Variants in PFKFB1 observed in about 807,000 individuals in gnomAD.
PFKFB1 encodes 6-phosphofructo-2-kinase/fructose-2,6-bisphosphatase 1.
Under a neutral mutation model 46.4 loss-of-function variants are expected in PFKFB1, and 34 were observed. The ratio of observed to expected loss-of-function variants is 0.73; its 90% CI spans 0.56 to 0.98. PFKFB1 has a LOEUF of 0.98. Ranked by LOEUF, PFKFB1 falls within the 50% of genes least tolerant of loss-of-function variation. The pLI, the probability that PFKFB1 is intolerant of heterozygous loss-of-function variation, is 0.00. For synonymous variants in PFKFB1, 119 were observed against 133.8 expected (o/e 0.89, Z 0.76); for missense variants, 393 against 376.3 (o/e 1.04, Z -0.37).
chrX:54,964,066 T>C (rs1213349415), intron 1 of PFKFB1, among the ~76,000 whole-genome samples: 1 of 110,072 alleles, frequency 9.1e-6, no homozygotes, highest in African/African-American at 3.3e-5. Context: ...AAAAAAGTCT[T>C]AGTCCTCAGA....
chrX:54,977,016 G>A (rs765164048), intron 1 of PFKFB1, among the ~76,000 whole-genome samples: 4 of 110,558 alleles, frequency 3.6e-5, no homozygotes, highest in African/African-American at 1.3e-4. Context: ...GGCTGTACAG[G>A]AGAATTTTTA....
At position 54,956,009 on chromosome X, in the gene PFKFB1, G is replaced by A. The variant is rs775044454; in HGVS notation, c.638+144C>T. The A allele has an allele frequency of 1.2e-3, 551 of 443,212 alleles. 1 individual carries two copies. The highest frequency in any genetic ancestry group is 1.9e-3 in the Middle Eastern group (5 of 2,598). 36.5% of individuals were successfully genotyped at this position (443,212 alleles called of 1,213,427 possible). A position where few individuals can be genotyped will look rare whatever the true frequency, so the allele number is the denominator to read the frequency against. On this transcript the variant is annotated intron_variant, in intron 7 of 13. Coordinates refer to ENST00000375006, the MANE Select transcript of PFKFB1 (RefSeq NM_002625.4). The stretch of plus-strand genomic sequence containing the variant: ...AGGAATCAGAGCTGAAAGGATCCTT[G>A]AAGAAAGATCATCAAGTTCAGTTTC...
chrX:54,974,692 G>A (rs1053581426), intron 1 of PFKFB1, among the ~76,000 whole-genome samples: 4 of 111,482 alleles, frequency 3.6e-5, no homozygotes, highest in Admixed American at 2.9e-4. Flanking sequence ...GAAAATATTC[G>A]CAAACTATGC....
chrX:54,956,123 A>C, intron 7 of PFKFB1, 30 bp downstream of exon 7: 2 of 1,053,064 alleles, frequency 1.9e-6, no homozygotes, highest in Non-Finnish European at 2.6e-6. Context: ...TGAAAGATCT[A>C]GACCTTGACT....
intron 7 of PFKFB1, 31 bp from the exon 8 acceptor site, chrX:54,952,143 G>C (rs967323920): frequency 2.7e-6 from 3 of 1,114,426 alleles, no homozygotes; most frequent in Non-Finnish European, 3.7e-6. Flanking sequence ...AGCAAGGGCA[G>C]CTCAGGGGCT....
intron 1 of PFKFB1, among the ~76,000 whole-genome samples, chrX:54,978,308 T>C (rs968317371): frequency 1.2e-4 from 13 of 110,979 alleles, no homozygotes; most frequent in Admixed American, 6.7e-4. Context: ...ATATACATTG[T>C]TGAATAAATA....
intron 10 of PFKFB1, among the ~76,000 whole-genome samples, chrX:54,940,552 T>C (rs921691559): frequency 4.5e-5 from 5 of 111,868 alleles, no homozygotes; most frequent in Admixed American, 9.5e-5. Flanking sequence ...AGTCTCAGGA[T>C]ACAAAATCAA....
chrX:54,933,864 T>G lies in PFKFB1; in HGVS notation c.1313A>C (p.Tyr438Ser), dbSNP rs1933302064. Residue 438 changes from tyrosine to serine, a missense_variant, in exon 13 of 14, where the codon TAC becomes TCC. Tyr to Ser is a moderately radical substitution (Grantham distance 144). Coordinates refer to ENST00000375006, the MANE Select transcript of PFKFB1 (RefSeq NM_002625.4). ...VAYGCKVESI[Y>S]LNVEAVNTHR... ...TGTGTTCACGGCCTCCACATTCAGG[T>G]AGATGGATTCCACTTTGCAGCCTTA... The G allele has an allele frequency of 8.3e-7, 1 of 1,210,079 alleles. No individual in the cohort carries two copies. Among genetic ancestry groups the G allele is most frequent in the African/African-American group, 1.7e-5 (1 of 57,695 alleles).
intron 1 of PFKFB1, among the ~76,000 whole-genome samples, chrX:54,983,682 C>G (rs765006790): frequency 8.1e-5 from 9 of 111,619 alleles, no homozygotes; most frequent in Non-Finnish European, 1.7e-4. Context: ...GGGTATATAC[C>G]CAGTAATGGG....
chrX:54,934,036 C>G, intron 12 of PFKFB1, 151 bp from the exon 13 acceptor site: 1 of 452,955 alleles, frequency 2.2e-6, no homozygotes, highest in Non-Finnish European at 3.9e-6. Flanking sequence ...AGAATTTAGA[C>G]AGCTATGTGA....
At chrX:54,995,064 A>G (rs1348964080), upstream of PFKFB1, among the ~76,000 whole-genome samples, 2 of 111,764 alleles carry the variant, frequency 1.8e-5, no homozygotes, top group African/African-American at 6.5e-5. Context: ...ATGGCCTCAA[A>G]GTAGGACAAG....
intron 1 of PFKFB1, among the ~76,000 whole-genome samples, chrX:54,969,382 A>C (rs955272412): frequency 9.0e-6 from 1 of 111,550 alleles, no homozygotes; most frequent in African/African-American, 3.3e-5. Flanking sequence ...TTGCCCTTTC[A>C]CCTTCCACAA....
intron 7 of PFKFB1, 114 bp from the exon 8 acceptor site, chrX:54,952,226 G>T: frequency 1.8e-6 from 1 of 545,863 alleles, no homozygotes; most frequent in Non-Finnish European, 3.1e-6. Context: ...CAACCCAGCT[G>T]TCACCTAATG....
intron 7 of PFKFB1, among the ~76,000 whole-genome samples, chrX:54,952,893 G>A (rs1210813472): frequency 9.1e-6 from 1 of 109,724 alleles, no homozygotes; most frequent in Non-Finnish European, 1.9e-5. Flanking sequence ...GTGGGGCATG[G>A]GGATACAGAG....
intron 3 of PFKFB1, among the ~76,000 whole-genome samples, chrX:54,960,483 T>C (rs751279813): frequency 3.6e-5 from 4 of 112,284 alleles, no homozygotes; most frequent in Non-Finnish European, 7.5e-5. Context: ...ATGCCTCAAA[T>C]GCTAAGCTGA....
intron 1 of PFKFB1, among the ~76,000 whole-genome samples, chrX:54,973,290 A>G (rs913553030): frequency 3.6e-5 from 4 of 111,222 alleles, no homozygotes; most frequent in Admixed American, 9.5e-5. Context: ...TCAAAAAACC[A>G]GCTCCTGGAT....
Position 54,933,400 on chromosome X carries a change from G to A in PFKFB1, c.*3C>T, listed in dbSNP as rs191209655. The A allele has an allele frequency of 8.3e-7, 1 of 1,202,155 alleles. No homozygotes were observed. Among genetic ancestry groups the A allele is most frequent in the Non-Finnish European group, 1.1e-6 (1 of 886,807 alleles). ...ACAGGCAGTTTGACTTCTTGGAAAG[G>A]GCTCAGTAGTGGGCTGGGACAGTAT... On this transcript the variant is annotated 3_prime_UTR_variant, in exon 14 of 14. Coordinates refer to ENST00000375006, the MANE Select transcript of PFKFB1 (RefSeq NM_002625.4).
chrX:54,934,697 C>G (rs1268951721), intron 12 of PFKFB1, among the ~76,000 whole-genome samples: 1 of 112,245 alleles, frequency 8.9e-6, no homozygotes, highest in East Asian at 2.8e-4. Context: ...CCTTCCACAG[C>G]TTGGTGCTCT....
At chrX:54,990,301 ATAT>A (rs968652120) in intron 1 of PFKFB1, among the ~76,000 whole-genome samples, 2 of 111,664 alleles carry the variant, frequency 1.8e-5, no homozygotes, top group Non-Finnish European at 3.8e-5. Context: ...CAAATAAATA[ATAT>A]TATAATGAAA....
Sources: gnomAD v4.1 joint callset for allele counts (sites outside exome capture counted in the v4.1 genomes callset) on GRCh38, gnomAD v4.1.1 for gene constraint, MANE v1.5 for transcripts, NCBI Gene and HGNC (gene_info 2026-07-23, HGNC 2026-07-21) for gene names.